The following WLS variants were observed in gnomAD, a reference collection of about 807,000 sequenced individuals.
WLS encodes the protein Wnt ligand secretion mediator, also known as protein wntless homolog.
A neutral mutation model predicts 62.8 loss-of-function variants in WLS; 23 were observed. The ratio of observed to expected loss-of-function variants is 0.37; its 90% CI spans 0.26 to 0.52. WLS has a LOEUF of 0.52. WLS is among the 20% of genes least tolerant of loss of function. The pLI, the probability that WLS is intolerant of heterozygous loss-of-function variation, is 0.92. For synonymous variants in WLS, 246 were observed against 244.1 expected, an observed-to-expected ratio of 1.01 and a Z score of -0.07; for missense variants, 615 against 697.3, an observed-to-expected ratio of 0.88 and a Z score of 1.33.
intron 2 of WLS, among the ~76,000 whole-genome samples, chr1:68,168,611 AG>A (rs1647098414): frequency 6.6e-6 from 1 of 152,236 alleles, no homozygotes; most frequent in Admixed American, 6.5e-5. Flanking sequence ...AAAAGCTTTT[AG>A]GTTCCTAGAG....
In WLS at chr1:68,155,243, G is replaced by A; in HGVS notation, c.522C>T (p.Gly174=). ...FTSPKTPEHE[G]RYYECDVLPF... ...GAAGGACATCACATTCATAGTAACG[G>A]CCCTCATGCTCTGGAGTCTGGAAAA... is the stretch of plus-strand genomic sequence containing the variant. The change falls in exon 4 of 12, where the codon GGC becomes GGT. Residue 174 remains glycine, a synonymous_variant. Coordinates refer to ENST00000262348, the MANE Select transcript of WLS (RefSeq NM_024911.7). 6.2e-7 allele frequency: 1 copy of A among 1,613,238 alleles called. No individual in the cohort carries two copies. The highest frequency in any genetic ancestry group is 8.5e-7 in the Non-Finnish European group (1 of 1,179,606).
At chr1:68,137,422 G>C (rs372078137) in intron 11 of WLS, among the ~76,000 whole-genome samples, 8 of 152,194 alleles carry the variant, frequency 5.3e-5, no homozygotes, top group African/African-American at 1.9e-4. Flanking sequence ...TTAGGATTCT[G>C]CTTCTCAAAT....
chr1:68,137,128 C>T (rs1646621821), intron 11 of WLS, among the ~76,000 whole-genome samples: 2 of 152,194 alleles, frequency 1.3e-5, no homozygotes, highest in Non-Finnish European at 2.9e-5. Context: ...TGAAGAAACC[C>T]TGAGCAAGAT....
intron 2 of WLS, among the ~76,000 whole-genome samples, chr1:68,177,484 T>C (rs989553244): frequency 6.6e-6 from 1 of 152,130 alleles, no homozygotes; most frequent in African/African-American, 2.4e-5. Context: ...TGGAACACAA[T>C]TCCTCCTTTC....
chr1:68,151,776 C>T (rs889328900), intron 5 of WLS, among the ~76,000 whole-genome samples: 1 of 151,970 alleles, frequency 6.6e-6, no homozygotes, highest in African/African-American at 2.4e-5. Context: ...GTGGAAGGCA[C>T]CCAATCATCA....
chr1:68,158,662 C>A (rs941674258), intron 3 of WLS, among the ~76,000 whole-genome samples: 1 of 152,058 alleles, frequency 6.6e-6, no homozygotes, highest in Non-Finnish European at 1.5e-5. Context: ...GGGCCACATT[C>A]AAAGCCGTCC....
chr1:68,192,991 C>A (rs935391563), intron 2 of WLS, among the ~76,000 whole-genome samples: 2 of 149,782 alleles, frequency 1.3e-5, no homozygotes, highest in African/African-American at 4.9e-5. Context: ...TGCCTGTAAT[C>A]CCAGCTACGT....
intron 11 of WLS, chr1:68,127,002 G>C (rs1407060365): frequency 6.6e-6 from 2 of 300,844 alleles, no homozygotes; most frequent in Non-Finnish European, 1.3e-5. Flanking sequence ...ATCAGCCTTG[G>C]CAACAGAGCG....
intron 5 of WLS, among the ~76,000 whole-genome samples, chr1:68,152,923 A>G (rs1461032091): frequency 6.6e-6 from 1 of 152,198 alleles, no homozygotes; most frequent in Non-Finnish European, 1.5e-5. Context: ...TCTTCACTAC[A>G]ACACAGACAA....
At chr1:68,168,322 G>A (rs1647092838) in intron 2 of WLS, among the ~76,000 whole-genome samples, 1 of 152,186 alleles carries the variant, frequency 6.6e-6, no homozygotes, top group African/African-American at 2.4e-5. Flanking sequence ...TCCCAGCCAG[G>A]ATAGTACAAA....
rs905468628 is a variant in WLS at position 68,186,490 on chromosome 1, C to T, written c.379+7465G>A. On this transcript the variant is annotated intron_variant, in intron 2 of 11. Coordinates refer to ENST00000262348, the MANE Select transcript of WLS (RefSeq NM_024911.7). ...AATCTGAAACTCATTTCAAAGACTG[C>T]CACGAAAAGTTAAAAAAAAAAAAAT... 1.3e-5 allele frequency: 5 copies of T among 395,270 alleles called. No homozygotes were observed. The Admixed American group carries it at 1.3e-4, about 10-fold the overall frequency. 24.5% of individuals were successfully genotyped at this position (395,270 alleles called of 1,614,324 possible).
rs1557473300 is a variant in WLS at position 68,144,574 on chromosome 1, T to C, written c.1357A>G (p.Ser453Gly). The change falls in exon 10 of 12, where the codon AGT becomes GGT. Residue 453 changes from serine (S) to glycine (G), a missense_variant. By Grantham distance (56) the Ser-to-Gly change is moderately conservative. Transcript: ENST00000262348. ...ACATCTCAGGGTCCACTTACCTGACTAACGATGAAGAAGATGACAGTCATG... is the reference window on the plus strand; with the variant it reads ...ACATCTCAGGGTCCACTTACCTGACCAACGATGAAGAAGATGACAGTCATG... ...AAMTVIFFIV[S>G]QVTEGHWKWG... is the part of the protein sequence containing the mutation. 4 of 1,613,398 alleles carry C rather than the reference T, an allele frequency of 2.5e-6. No individual in the cohort carries two copies. Among genetic ancestry groups the C allele is most frequent in the Non-Finnish European group, 3.4e-6 (4 of 1,179,502 alleles).
intron 2 of WLS, among the ~76,000 whole-genome samples, chr1:68,160,491 T>A (rs1646957963): frequency 6.6e-6 from 1 of 152,122 alleles, no homozygotes; most frequent in Admixed American, 6.5e-5. Context: ...GTAACAAGAG[T>A]TGGAAATTGG....
intron 2 of WLS, among the ~76,000 whole-genome samples, chr1:68,165,504 G>A (rs1246138545): frequency 2.6e-5 from 4 of 152,122 alleles, no homozygotes; most frequent in African/African-American, 7.2e-5. Flanking sequence ...CCTCTTTCCA[G>A]GTCTGGCTTC....
intron 11 of WLS, among the ~76,000 whole-genome samples, chr1:68,129,309 A>T (rs1235619274): frequency 1.5e-5 from 2 of 137,118 alleles, no homozygotes; most frequent in African/African-American, 2.7e-5. Context: ...TGGGTGAGAG[A>T]GTGTCTCAAA....
chr1:68,126,338 G>GAAAC lies in WLS; in HGVS notation c.1517-7_1517-4dup. On this transcript the variant is annotated splice_region_variant and splice_polypyrimidine_tract_variant and intron_variant, in intron 11 of 11. Coordinates refer to ENST00000262348, the MANE Select transcript of WLS (RefSeq NM_024911.7). ...CCCACTATGGACACCCAGATCGCCT[G>GAAAC]AAACAGGGTTTTCGGTGTTAGATGC... 1.9e-6 allele frequency: 3 copies of GAAAC among 1,614,022 alleles called. No individual in the cohort carries two copies. The highest frequency in any genetic ancestry group is 2.5e-6 in the Non-Finnish European group (3 of 1,180,010).
intron 5 of WLS, 139 bp downstream of exon 5, chr1:68,153,377 AG>A: frequency 9.3e-7 from 1 of 1,078,300 alleles, no homozygotes; most frequent in Non-Finnish European, 1.3e-6. Context: ...CAGGAGAAAA[AG>A]GAGTCCAGGA....
At chr1:68,132,798 TATC>T (rs1169178011) in intron 11 of WLS, among the ~76,000 whole-genome samples, 2 of 152,174 alleles carry the variant, frequency 1.3e-5, no homozygotes, top group African/African-American at 2.4e-5. Flanking sequence ...TCAAAGCTAT[TATC>T]AAGAATTGTC....
chr1:68,162,833 G>T, intron 2 of WLS: 1 of 1,312,756 alleles, frequency 7.6e-7, no homozygotes, highest in Non-Finnish European at 1.1e-6. Flanking sequence ...TCCCTGGTGA[G>T]GATGATGGTG....
Sources: allele counts gnomAD v4.1 joint callset (sites outside exome capture counted in the v4.1 genomes callset), GRCh38; gene constraint gnomAD v4.1.1; transcripts MANE v1.5; gene names NCBI Gene and HGNC (gene_info 2026-07-23, HGNC 2026-07-21).